Variants in EVA1C observed in about 807,000 individuals in gnomAD.
EVA1C encodes the protein eva-1 homolog C.
EVA1C carries 25 observed loss-of-function variants against 45.4 expected under a neutral mutation model. That is an observed-to-expected ratio of 0.55 (90% CI 0.40 to 0.77). EVA1C has a LOEUF of 0.77. Ranked by LOEUF, EVA1C falls within the 30% of genes least tolerant of loss-of-function variation. The pLI is 0.00. For synonymous variants in EVA1C, 190 were observed against 221.2 expected (o/e 0.86, Z 1.25); for missense variants, 479 against 554.8 (o/e 0.86, Z 1.37).
rs1011639179 is a variant in EVA1C, at chr21:32,441,633, C to T, written c.161-11679C>T. Among the ~76,000 whole-genome samples the T allele has an allele frequency of 1.1e-4, 16 of 151,766 alleles. 1 individual carries two copies. The highest frequency in any genetic ancestry group is 3.6e-4 in the African/African-American group (15 of 41,276). On this transcript the variant is annotated intron_variant, in intron 1 of 7. Transcript: ENST00000300255. ...GTGTAGACAAATGCCGAGACAGCCA[C>T]GAAAATCTGAAATCCATACATATAA...
At chr21:32,462,143 TG>T (rs1472135190) in intron 3 of EVA1C, among the ~76,000 whole-genome samples, 1 of 151,452 alleles carries the variant, frequency 6.6e-6, no homozygotes, top group Non-Finnish European at 1.5e-5. Flanking sequence ...TTCAGCATTT[TG>T]GGAGGCCAAG....
chr21:32,474,408 G>C lies in EVA1C; in HGVS notation c.634+6560G>C, dbSNP rs2036485062. Among the ~76,000 whole-genome samples, 1 of 152,148 alleles carries C rather than the reference G, an allele frequency of 6.6e-6. No individual in the cohort carries two copies. The highest frequency in any genetic ancestry group is 2.4e-5 in the African/African-American group (1 of 41,440). On this transcript the variant is annotated intron_variant, in intron 4 of 7. Transcript: ENST00000300255. The surrounding 1 kb of genome is among the most constrained non-coding windows in gnomAD (Gnocchi z 4.4). The stretch of plus-strand genomic sequence containing the variant: ...ACAAGCTGTCCCTTTGACCTGGACT[G>C]TGCTCACCCCATATCTTGTGTGGCT...
chr21:32,511,187 G>A (rs977356593), intron 7 of EVA1C, among the ~76,000 whole-genome samples: 33 of 152,026 alleles, frequency 2.2e-4, no homozygotes, highest in Admixed American at 1.6e-3. Flanking sequence ...AAGCTGAGGC[G>A]GGCAGATCAC....
chr21:32,490,680 G>A (rs2037124288), intron 4 of EVA1C, among the ~76,000 whole-genome samples: 1 of 152,208 alleles, frequency 6.6e-6, no homozygotes, highest in African/African-American at 2.4e-5. Context: ...TGGATGTGAA[G>A]CCATGGTGTT....
chr21:32,482,854 CTTTT>C (rs774611494), intron 4 of EVA1C, among the ~76,000 whole-genome samples: 25 of 60,968 alleles, frequency 4.1e-4, no homozygotes, highest in East Asian at 1.1e-3. Flanking sequence ...GTGTTATTCC[CTTTT>C]TTTTTTTTTT....
chr21:32,454,201 C>T (rs2035694154), intron 2 of EVA1C, among the ~76,000 whole-genome samples: 1 of 152,160 alleles, frequency 6.6e-6, no homozygotes, highest in African/African-American at 2.4e-5. Flanking sequence ...TGCACTCTAG[C>T]CTGGGCAACA....
chr21:32,501,632 A>G (rs970659359), intron 6 of EVA1C, 137 bp downstream of exon 6: 15 of 1,063,418 alleles, frequency 1.4e-5, no homozygotes, highest in Middle Eastern at 3.1e-4. Flanking sequence ...TCCTGGTGAT[A>G]ATAGCGCTTA....
At chr21:32,507,628 CT>C in intron 7 of EVA1C, among the ~76,000 whole-genome samples, 1 of 146,564 alleles carries the variant, frequency 6.8e-6, no homozygotes, top group East Asian at 2.1e-4. Context: ...ACATGCGTAT[CT>C]GTGTGTGCAT....
At chr21:32,430,580 G>A (rs1195147472) in intron 1 of EVA1C, among the ~76,000 whole-genome samples, 2 of 152,172 alleles carry the variant, frequency 1.3e-5, no homozygotes, top group Admixed American at 6.5e-5. Context: ...CGTGACTGGG[G>A]AGGCCTCATG....
intron 4 of EVA1C, among the ~76,000 whole-genome samples, chr21:32,484,735 T>C (rs1253767138): frequency 6.6e-6 from 1 of 152,070 alleles, no homozygotes; most frequent in Non-Finnish European, 1.5e-5. Flanking sequence ...CCCTAATCTC[T>C]CTTCTGGACA....
intron 3 of EVA1C, among the ~76,000 whole-genome samples, chr21:32,464,699 G>T (rs748628975): frequency 1.3e-5 from 2 of 152,146 alleles, no homozygotes; most frequent in African/African-American, 4.8e-5. Context: ...GCGCATGCCT[G>T]TAATCCCAGC....
At chr21:32,412,667 C>T, upstream of EVA1C, 2 of 453,200 alleles carry the variant, frequency 4.4e-6, no homozygotes, top group Non-Finnish European at 7.5e-6. Flanking sequence ...TCTCCGCCCC[C>T]TCCCCTTTGC....
intron 1 of EVA1C, among the ~76,000 whole-genome samples, chr21:32,424,071 G>T (rs1248890520): frequency 2.6e-5 from 4 of 152,176 alleles, no homozygotes; most frequent in African/African-American, 9.7e-5. Flanking sequence ...CCTGCAATGT[G>T]GGGGAATAAT....
At chr21:32,478,732 G>T (rs989540171) in intron 4 of EVA1C, among the ~76,000 whole-genome samples, 2 of 152,206 alleles carry the variant, frequency 1.3e-5, no homozygotes, top group East Asian at 1.9e-4. Flanking sequence ...GCCTGAGGCC[G>T]CCAGGCTTCA....
chr21:32,496,956 T>C (rs2146415030), intron 5 of EVA1C: 1 of 1,396,340 alleles, frequency 7.2e-7, no homozygotes. Context: ...ACAGACCAAA[T>C]GTGCAGGTTG....
chr21:32,413,014 G>GT lies in EVA1C; in HGVS notation c.160+2dup. 1 of 1,412,448 alleles carries GT rather than the reference G, an allele frequency of 7.1e-7. No individual in the cohort carries two copies. The highest frequency in any genetic ancestry group is 1.6e-5 in the South Asian group (1 of 60,690). 87.5% of individuals were successfully genotyped at this position (1,412,448 alleles called of 1,614,324 possible). On this transcript the variant is annotated splice_donor_variant, in intron 1 of 7. Coordinates refer to ENST00000300255, the MANE Select transcript of EVA1C (RefSeq NM_058187.5). LOFTEE classifies it high-confidence loss of function. ...ATCTCAGCGCTCACCGACTTCTCTG[G>GT]TAAGAGCGCCCTCCCTGGCTGTGTG...
chr21:32,435,498 T>C (rs923083162), intron 1 of EVA1C, among the ~76,000 whole-genome samples: 4 of 152,226 alleles, frequency 2.6e-5, no homozygotes, highest in South Asian at 2.1e-4. Context: ...CCATGGCCAC[T>C]GCAGGCTCAG....
intron 1 of EVA1C, among the ~76,000 whole-genome samples, chr21:32,435,446 T>C (rs1316836555): frequency 1.3e-5 from 2 of 152,214 alleles, no homozygotes; most frequent in Non-Finnish European, 2.9e-5. Context: ...CCACCACCTG[T>C]GCTGATGAAT....
intron 4 of EVA1C, among the ~76,000 whole-genome samples, chr21:32,485,191 CTTT>C (rs374205281): frequency 6.6e-6 from 1 of 151,460 alleles, no homozygotes; most frequent in Non-Finnish European, 1.5e-5. Flanking sequence ...TGATCACTCT[CTTT>C]TTTTTTGAAA....
Sources: gnomAD v4.1 joint callset for allele counts (sites outside exome capture counted in the v4.1 genomes callset) on GRCh38, gnomAD v4.1.1 for gene constraint, Gnocchi (gnomAD v3.1) non-coding constraint, MANE v1.5 for transcripts, NCBI Gene and HGNC (gene_info 2026-07-23, HGNC 2026-07-21) for gene names.